The following CSNK1A1 variants were observed in gnomAD, a reference collection of about 807,000 sequenced individuals.
The protein encoded by CSNK1A1 is casein kinase 1 alpha 1.
CSNK1A1 carries 7 observed loss-of-function variants against 46.1 expected under a neutral mutation model. The ratio of observed to expected loss-of-function variants is 0.15; its 90% CI spans 0.09 to 0.29. The LOEUF (loss-of-function observed/expected upper bound fraction) is 0.29. Among genes scored for constraint, CSNK1A1 ranks in the 10% least tolerant of loss-of-function variants. The pLI is 1.00. For missense variants in CSNK1A1, 96 were observed against 417.1 expected (o/e 0.23, Z 6.71); for synonymous variants, 137 against 141.5 (o/e 0.97, Z 0.23).
At chr5:149,501,167 G>C (rs545307446) in intron 9 of CSNK1A1, 6 of 985,228 alleles carry the variant, frequency 6.1e-6, no homozygotes, top group Non-Finnish European at 7.2e-6. Context: ...CAGCAGTCTT[G>C]GAGACATGGA....
In CSNK1A1 at chr5:149,513,226, C is replaced by CA. The variant is rs757626243; in HGVS notation, c.457-18dup. 2.4e-5 allele frequency: 38 copies of CA among 1,607,118 alleles called. No individual in the cohort carries two copies. The highest frequency in any genetic ancestry group is 3.1e-5 in the Non-Finnish European group (37 of 1,176,264). On this transcript the variant is annotated splice_polypyrimidine_tract_variant and intron_variant, in intron 4 of 9. Coordinates refer to ENST00000377843, the MANE Select transcript of CSNK1A1 (RefSeq NM_001892.6). ...AAGGAATAACTTTAAAAGAGAAATA[C>CA]AGAAACATTAGGTTTCCAACCTTGT... is the stretch of plus-strand genomic sequence containing the variant.
chr5:149,543,551 A>G (rs1338283875), intron 2 of CSNK1A1, among the ~76,000 whole-genome samples: 1 of 152,104 alleles, frequency 6.6e-6, no homozygotes, highest in Non-Finnish European at 1.5e-5. Context: ...GACATATCCA[A>G]TGCAGCGTCA....
At chr5:149,529,883 G>A (rs1386626841) in intron 2 of CSNK1A1, among the ~76,000 whole-genome samples, 1 of 152,102 alleles carries the variant, frequency 6.6e-6, no homozygotes, top group Non-Finnish European at 1.5e-5. Flanking sequence ...TATAGCCGGA[G>A]ATTTCAAGCT....
intron 9 of CSNK1A1, chr5:149,503,821 G>A (rs1760947786): frequency 2.0e-6 from 2 of 985,236 alleles, no homozygotes; most frequent in African/African-American, 1.7e-5. Flanking sequence ...AATGCCTGAA[G>A]TAAAATGTTC....
intron 2 of CSNK1A1, among the ~76,000 whole-genome samples, chr5:149,548,512 A>T (rs928811253): frequency 2.0e-5 from 3 of 151,968 alleles, no homozygotes; most frequent in African/African-American, 7.2e-5. Flanking sequence ...GGCTGCAGTT[A>T]GCCAAGGTTG....
intron 2 of CSNK1A1, among the ~76,000 whole-genome samples, chr5:149,544,362 T>C (rs980792588): frequency 6.6e-6 from 1 of 152,150 alleles, no homozygotes; most frequent in Non-Finnish European, 1.5e-5. Flanking sequence ...TTTTTCGGTA[T>C]GTCATAGTTG....
chr5:149,510,067 A>G, intron 6 of CSNK1A1, 114 bp from the exon 7 acceptor site: 1 of 685,340 alleles, frequency 1.5e-6, no homozygotes, highest in Non-Finnish European at 2.3e-6. Flanking sequence ...AGAAATTTTA[A>G]CCCAGAATTT....
chr5:149,505,318 T>C, intron 9 of CSNK1A1, 129 bp downstream of exon 9: 6 of 1,431,998 alleles, frequency 4.2e-6, no homozygotes, highest in Non-Finnish European at 4.6e-6. Flanking sequence ...CGTCTTTTTT[T>C]TTTTAACGCA....
chr5:149,501,946 TGTA>T lies in CSNK1A1; in HGVS notation c.1006+3498_1006+3500del, dbSNP rs146771354. 5.5e-3 allele frequency: 5,188 copies of T among 937,302 alleles called. 219 individuals carry two copies. In the African/African-American group the frequency reaches 0.084, roughly 15 times the overall value. The allele number at this position is 937,302 out of a possible 1,614,324, so 58.1% of individuals were successfully genotyped here. On this transcript the variant is annotated intron_variant, in intron 9 of 9. Transcript: ENST00000377843. ...TGAATAAAAACAGTAATTATAATCT[TGTA>T]GTAATTGAACATTAAAAACTAGTAT...
chr5:149,504,054 T>C, intron 9 of CSNK1A1: 1 of 985,458 alleles, frequency 1.0e-6, no homozygotes, highest in South Asian at 4.7e-5. Context: ...TAACACATTA[T>C]GAACTTCTTG....
intron 4 of CSNK1A1, among the ~76,000 whole-genome samples, chr5:149,514,459 A>T (rs1761336356): frequency 6.6e-6 from 1 of 152,194 alleles, no homozygotes; most frequent in Non-Finnish European, 1.5e-5. Context: ...TATTTTAATA[A>T]AAGTTAATCT....
chr5:149,533,854 C>A (rs1761971893), intron 2 of CSNK1A1, among the ~76,000 whole-genome samples: 1 of 152,116 alleles, frequency 6.6e-6, no homozygotes, highest in African/African-American at 2.4e-5. Context: ...GTCTTCATAA[C>A]ACAAATTACA....
At chr5:149,530,176 T>C (rs1297156097) in intron 2 of CSNK1A1, among the ~76,000 whole-genome samples, 2 of 152,204 alleles carry the variant, frequency 1.3e-5, no homozygotes, top group Admixed American at 6.5e-5. Context: ...TTGTTCACAA[T>C]CTGTATTCCC....
intron 2 of CSNK1A1, among the ~76,000 whole-genome samples, chr5:149,539,601 TTAA>T (rs1270708714): frequency 2.0e-5 from 3 of 152,084 alleles, no homozygotes; most frequent in African/African-American, 7.2e-5. Context: ...ATTTTGGGGA[TTAA>T]TAACAATTAT....
intron 2 of CSNK1A1, among the ~76,000 whole-genome samples, chr5:149,538,061 T>C (rs968621949): frequency 1.4e-5 from 2 of 147,388 alleles, no homozygotes; most frequent in African/African-American, 5.1e-5. Context: ...TCGCTCTTGT[T>C]GCCCGGGCTG....
intron 2 of CSNK1A1, among the ~76,000 whole-genome samples, chr5:149,534,906 C>CAAA (rs537826461): frequency 8.3e-5 from 6 of 72,516 alleles, no homozygotes; most frequent in African/African-American, 9.6e-5. Flanking sequence ...CCTTGTCTCC[C>CAAA]AAAAAAAAAA....
chr5:149,517,727 A>C lies in CSNK1A1; in HGVS notation c.456+2563T>G. ...TTAAAACAAAACAAAAATCATCAAA[A>C]TAAAACAATAAAAAAGAAAAGCACA... is the stretch of plus-strand genomic sequence containing the variant. On this transcript the variant is annotated intron_variant, in intron 4 of 9. Coordinates refer to ENST00000377843, the MANE Select transcript of CSNK1A1 (RefSeq NM_001892.6). The surrounding 1 kb of genome is among the most constrained non-coding windows in gnomAD (Gnocchi z 4.4). 1 of 1,040,136 alleles carries C rather than the reference A, an allele frequency of 9.6e-7. No individual in the cohort carries two copies. The highest frequency in any genetic ancestry group is 1.6e-5 in the African/African-American group (1 of 62,224). The allele number at this position is 1,040,136 out of a possible 1,614,324, so 64.4% of individuals were successfully genotyped here. A position where few individuals can be genotyped will look rare whatever the true frequency, so the allele number is the denominator to read the frequency against.
chr5:149,496,923 C>T, intron 9 of CSNK1A1, 63 bp from the exon 10 acceptor site: 1 of 1,522,522 alleles, frequency 6.6e-7, no homozygotes, highest in Non-Finnish European at 8.8e-7. Flanking sequence ...AAATTACACC[C>T]AAAATATGGA....
At chr5:149,530,965 CA>C (rs59281087) in intron 2 of CSNK1A1, among the ~76,000 whole-genome samples, 1 of 81,738 alleles carries the variant, frequency 1.2e-5, no homozygotes, top group Non-Finnish European at 2.1e-5. Context: ...GACTCTGTCT[CA>C]AAAAAAAAAA....
Sources: gnomAD v4.1 joint callset for allele counts (sites outside exome capture counted in the v4.1 genomes callset) on GRCh38, gnomAD v4.1.1 for gene constraint, Gnocchi (gnomAD v3.1) non-coding constraint, MANE v1.5 for transcripts, NCBI Gene and HGNC (gene_info 2026-07-23, HGNC 2026-07-21) for gene names.